GALNTL6: variants seen among roughly 807,000 people sequenced by gnomAD.
GALNTL6 encodes polypeptide N-acetylgalactosaminyltransferase like 6.
In GALNTL6, 46 loss-of-function variants were observed where a neutral mutation model predicts 73.7. The observed-to-expected ratio is 0.62, with a 90% CI of 0.49 to 0.80. The LOEUF is 0.80. Ranked by LOEUF, GALNTL6 falls within the 30% of genes least tolerant of loss-of-function variation. The pLI, the probability that GALNTL6 is intolerant of heterozygous loss-of-function variation, is 0.00. For synonymous variants in GALNTL6, 259 were observed against 263.7 expected (o/e 0.98, Z 0.17); for missense variants, 604 against 755.0 (o/e 0.80, Z 2.34).
chr4:172,740,681 G>C (rs1019645222), intron 5 of GALNTL6, among the ~76,000 whole-genome samples: 1 of 152,012 alleles, frequency 6.6e-6, no homozygotes, highest in South Asian at 2.1e-4. Context: ...ATACTACATG[G>C]TGTGTGGGAT....
chr4:172,416,314 C>T (rs916015239), intron 5 of GALNTL6, among the ~76,000 whole-genome samples: 1 of 152,166 alleles, frequency 6.6e-6, no homozygotes, highest in Non-Finnish European at 1.5e-5. Context: ...GTCTTCAAAA[C>T]TGATTCAAAT....
intron 5 of GALNTL6, among the ~76,000 whole-genome samples, chr4:172,395,719 C>T (rs937562456): frequency 9.2e-5 from 14 of 151,896 alleles, no homozygotes; most frequent in Admixed American, 9.2e-4. Flanking sequence ...ATTATTGATA[C>T]AAGAGATGAA....
At chr4:171,967,653 A>T (rs1230981459) in intron 2 of GALNTL6, among the ~76,000 whole-genome samples, 1 of 152,046 alleles carries the variant, frequency 6.6e-6, no homozygotes, top group African/African-American at 2.4e-5. Context: ...CATTGCACTT[A>T]TTTTGTAATA....
In GALNTL6 at chr4:172,809,838, T is replaced by C. The variant is rs1741189164; in HGVS notation, c.739+292T>C. On this transcript the variant is annotated intron_variant, in intron 6 of 12. Coordinates refer to ENST00000506823, the MANE Select transcript of GALNTL6 (RefSeq NM_001034845.3). The surrounding 1 kb of genome is among the most constrained non-coding windows in gnomAD (Gnocchi z 4.4). ...ATATCCTCCTTTAGTGTAGTCACATTCACTGGGTGAACACTAAAAGAAAAA... is the reference window on the plus strand; with the variant it reads ...ATATCCTCCTTTAGTGTAGTCACATCCACTGGGTGAACACTAAAAGAAAAA... 6.6e-6 allele frequency among the ~76,000 whole-genome samples: 1 copy of C among 151,792 alleles called. No individual in the cohort carries two copies. Among genetic ancestry groups the C allele is most frequent in the South Asian group, 2.1e-4 (1 of 4,818 alleles).
intron 5 of GALNTL6, among the ~76,000 whole-genome samples, chr4:172,545,173 C>G (rs924858929): frequency 6.6e-6 from 1 of 152,038 alleles, no homozygotes; most frequent in Non-Finnish European, 1.5e-5. Context: ...TAATGGACAA[C>G]ACAGACATTA....
intron 5 of GALNTL6, among the ~76,000 whole-genome samples, chr4:172,425,085 G>C (rs1731180861): frequency 6.6e-6 from 1 of 152,058 alleles, no homozygotes; most frequent in Non-Finnish European, 1.5e-5. Context: ...CAGATGAAAA[G>C]TATCAAAATT....
intron 5 of GALNTL6, among the ~76,000 whole-genome samples, chr4:172,376,497 C>T (rs539820626): frequency 7.2e-5 from 11 of 152,288 alleles, no homozygotes; most frequent in Admixed American, 3.9e-4. Context: ...GGCAAACCAA[C>T]GCTCCCAACT....
At chr4:172,552,467 C>T (rs1735988833) in intron 5 of GALNTL6, among the ~76,000 whole-genome samples, 1 of 151,970 alleles carries the variant, frequency 6.6e-6, no homozygotes, top group Non-Finnish European at 1.5e-5. Context: ...AAATAAAAGT[C>T]AATGCTGAAG....
chr4:173,012,395 G>A (rs933031910), intron 11 of GALNTL6, among the ~76,000 whole-genome samples: 2 of 152,124 alleles, frequency 1.3e-5, no homozygotes, highest in African/African-American at 2.4e-5. Context: ...ATCATGATGC[G>A]AGGAAAACAG....
intron 8 of GALNTL6, among the ~76,000 whole-genome samples, chr4:172,883,272 C>T (rs188588438): frequency 2.6e-5 from 4 of 152,204 alleles, no homozygotes; most frequent in Non-Finnish European, 5.9e-5. Context: ...TTATTGTGAA[C>T]TATAATCTCC....
intron 5 of GALNTL6, among the ~76,000 whole-genome samples, chr4:172,520,040 G>A (rs951149064): frequency 1.3e-5 from 2 of 151,758 alleles, no homozygotes; most frequent in Admixed American, 6.6e-5. Context: ...TATTTTTAAA[G>A]TTATTCATTA....
At chr4:172,765,765 A>T (rs1005826807) in intron 5 of GALNTL6, among the ~76,000 whole-genome samples, 1 of 152,172 alleles carries the variant, frequency 6.6e-6, no homozygotes, top group African/African-American at 2.4e-5. Flanking sequence ...ATGAGAACAT[A>T]GAGTGTTTCT....
intron 5 of GALNTL6, among the ~76,000 whole-genome samples, chr4:172,527,443 A>G (rs1369688924): frequency 6.6e-6 from 1 of 152,224 alleles, no homozygotes; most frequent in East Asian, 1.9e-4. Context: ...CGTAAAAGAT[A>G]TGTAGCTATG....
At chr4:171,846,256 A>G (rs1735365381) in intron 2 of GALNTL6, among the ~76,000 whole-genome samples, 1 of 152,198 alleles carries the variant, frequency 6.6e-6, no homozygotes, top group Non-Finnish European at 1.5e-5. Context: ...TAAAACCAGT[A>G]TCTGGAGGGC....
chr4:171,889,934 C>G (rs1046229225), intron 2 of GALNTL6, among the ~76,000 whole-genome samples: 1 of 152,114 alleles, frequency 6.6e-6, no homozygotes, highest in African/African-American at 2.4e-5. Context: ...AATAAATGTA[C>G]TAAAAGCTTT....
chr4:171,990,257 A>G (rs1008761789), intron 2 of GALNTL6, among the ~76,000 whole-genome samples: 3 of 152,242 alleles, frequency 2.0e-5, no homozygotes, highest in Non-Finnish European at 4.4e-5. Flanking sequence ...TATCAAGTGC[A>G]TACCATGTAT....
intron 3 of GALNTL6, among the ~76,000 whole-genome samples, chr4:172,303,813 C>T (rs1322837748): frequency 1.3e-5 from 2 of 152,146 alleles, no homozygotes; most frequent in Admixed American, 6.5e-5. Context: ...TTTTGACTTA[C>T]ATCTCCCCAT....
chr4:172,723,332 A>G (rs1168917293), intron 5 of GALNTL6, among the ~76,000 whole-genome samples: 1 of 152,154 alleles, frequency 6.6e-6, no homozygotes, highest in Non-Finnish European at 1.5e-5. Context: ...GAGGACCTCT[A>G]TTGTCAGACC....
intron 2 of GALNTL6, among the ~76,000 whole-genome samples, chr4:171,821,913 A>C (rs1734695563): frequency 6.6e-6 from 1 of 152,060 alleles, no homozygotes; most frequent in African/African-American, 2.4e-5. Context: ...TGATTATTTT[A>C]ATTTTTTTAT....
Sources: gnomAD v4.1 joint callset for allele counts (sites outside exome capture counted in the v4.1 genomes callset) on GRCh38, gnomAD v4.1.1 for gene constraint, Gnocchi (gnomAD v3.1) non-coding constraint, MANE v1.5 for transcripts, NCBI Gene and HGNC (gene_info 2026-07-23, HGNC 2026-07-21) for gene names.